SVOPL: variants seen among roughly 807,000 people sequenced by gnomAD.
SVOPL encodes SVOP like.
Under a neutral mutation model 61.0 loss-of-function variants are expected in SVOPL, and 60 were observed. That is an observed-to-expected ratio of 0.98 (90% CI 0.80 to 1.22). The LOEUF (loss-of-function observed/expected upper bound fraction) is 1.22. Among genes scored for constraint, SVOPL ranks in the 50% most tolerant of loss-of-function variants. SVOPL has a pLI of 0.00. For synonymous variants in SVOPL, 279 were observed against 250.0 expected, an observed-to-expected ratio of 1.12 and a Z score of -1.09; for missense variants, 662 against 643.9, an observed-to-expected ratio of 1.03 and a Z score of -0.30.
chr7:138,676,899 C>CTTTTTTTTTTTTTTTT (rs1191279496), intron 3 of SVOPL, among the ~76,000 whole-genome samples: 1 of 112,820 alleles, frequency 8.9e-6, no homozygotes, highest in Non-Finnish European at 1.7e-5. Context: ...CTTGGGGTTC[C>CTTTTTTTTTTTTTTTT]TTTTTTTTTT....
intron 12 of SVOPL, among the ~76,000 whole-genome samples, 182 bp downstream of exon 12, chr7:138,627,168 C>G (rs1453944237): frequency 6.6e-6 from 1 of 152,092 alleles, no homozygotes; most frequent in Admixed American, 6.6e-5. Context: ...AAGATGGGGT[C>G]TGTAGGAAGA....
intron 1 of SVOPL, among the ~76,000 whole-genome samples, chr7:138,688,268 T>C (rs1366134190): frequency 6.8e-6 from 1 of 148,110 alleles, no homozygotes; most frequent in Non-Finnish European, 1.5e-5. Context: ...TGCCGAAAAA[T>C]TTTGGGGTTT....
At chr7:138,607,647 G>A (rs946117405) in intron 14 of SVOPL, among the ~76,000 whole-genome samples, 2 of 152,174 alleles carry the variant, frequency 1.3e-5, no homozygotes, top group Non-Finnish European at 2.9e-5. Context: ...CCAGCTTGGA[G>A]GAGGTGAAGG....
intron 5 of SVOPL, chr7:138,662,871 C>T: frequency 3.5e-6 from 5 of 1,424,618 alleles, no homozygotes; most frequent in Non-Finnish European, 4.6e-6. Context: ...ACCTGGACTG[C>T]AGAGGAACAG....
intron 7 of SVOPL, among the ~76,000 whole-genome samples, chr7:138,653,261 T>C (rs1451747768): frequency 1.3e-5 from 2 of 152,262 alleles, no homozygotes; most frequent in Non-Finnish European, 1.5e-5. Context: ...ATCCAGGAGA[T>C]CTAGCTAAGA....
intron 13 of SVOPL, 90 bp from the exon 14 acceptor site, chr7:138,621,225 G>T: frequency 9.9e-7 from 1 of 1,009,926 alleles, no homozygotes; most frequent in Non-Finnish European, 1.5e-6. Flanking sequence ...GTCAGGTTTT[G>T]GAATGCATAG....
chr7:138,678,608 CATT>C, intron 2 of SVOPL, 83 bp from the exon 3 acceptor site: 1 of 1,372,694 alleles, frequency 7.3e-7, no homozygotes, highest in Non-Finnish European at 1.0e-6. Context: ...AAAGCCAACC[CATT>C]ATTATAAAAA....
chr7:138,663,703 T>G (rs1390655100), intron 4 of SVOPL: 3 of 676,932 alleles, frequency 4.4e-6, no homozygotes, highest in African/African-American at 3.9e-5. Flanking sequence ...CACTAGGGTT[T>G]TATTTATTAT....
intron 9 of SVOPL, among the ~76,000 whole-genome samples, chr7:138,633,410 G>C (rs1326381228): frequency 6.6e-6 from 1 of 152,094 alleles, no homozygotes; most frequent in Admixed American, 6.5e-5. Flanking sequence ...ACCAGTTCAT[G>C]TGACAGCTGG....
chr7:138,622,176 GTCTA>G (rs1799667717), intron 13 of SVOPL, among the ~76,000 whole-genome samples: 2 of 54,148 alleles, frequency 3.7e-5, no homozygotes, highest in African/African-American at 1.2e-4. Context: ...GTATCTATCT[GTCTA>G]TGTATCTATC....
intron 3 of SVOPL, among the ~76,000 whole-genome samples, chr7:138,676,845 C>A (rs1802573494): frequency 6.6e-6 from 1 of 151,510 alleles, no homozygotes; most frequent in South Asian, 2.1e-4. Context: ...TATAACCGAA[C>A]ACCTGCCAAA....
rs189386327 is a variant in SVOPL at position 138,680,648 on chromosome 7, G to T, written c.-34-1569C>A. ...GGCTGGAGTGCAGTGGCCCGATCTC[G>T]GCTCACTGCAAGCTCTGCCTCCCGG... On this transcript the variant is annotated intron_variant, in intron 1 of 15. Transcript: ENST00000674285. Among the ~76,000 whole-genome samples the T allele has an allele frequency of 5.2e-3, 786 of 151,740 alleles. 6 individuals carry two copies. The highest frequency in any genetic ancestry group is 0.018 in the African/African-American group (759 of 41,256).
chr7:138,597,067 C>T, intron 14 of SVOPL: 1 of 1,160,292 alleles, frequency 8.6e-7, no homozygotes, highest in South Asian at 1.9e-5. Context: ...GTCAATTTTT[C>T]CACAGTAACT....
At chr7:138,622,246 CTATCTATGTATCTATCTATCTATG>C (rs1563096738) in intron 13 of SVOPL, among the ~76,000 whole-genome samples, 12 of 107,358 alleles carry the variant, frequency 1.1e-4, no homozygotes, top group African/African-American at 4.1e-4. Flanking sequence ...ATCTATCTAT[CTATCTATGTATCTATCTATCTATG>C]TATCTATCTA....
chr7:138,656,618 G>A (rs1489337650), intron 6 of SVOPL, 107 bp from the exon 7 acceptor site: 3 of 1,187,552 alleles, frequency 2.5e-6, no homozygotes, highest in African/African-American at 1.5e-5. Flanking sequence ...CAAAAGCATA[G>A]AAGTTGATTA....
At chr7:138,646,887 G>T (rs1299659688) in intron 8 of SVOPL, among the ~76,000 whole-genome samples, 1 of 152,172 alleles carries the variant, frequency 6.6e-6, no homozygotes, top group African/African-American at 2.4e-5. Flanking sequence ...GGCTTACTAA[G>T]CTCACTGGTC....
chr7:138,666,682 G>T (rs1802271964), intron 4 of SVOPL, among the ~76,000 whole-genome samples: 1 of 152,200 alleles, frequency 6.6e-6, no homozygotes, highest in Admixed American at 6.5e-5. Flanking sequence ...TACAGAGAGT[G>T]CACAAACTGT....
chr7:138,671,095 G>A (rs2117107710), intron 4 of SVOPL, among the ~76,000 whole-genome samples: 1 of 152,150 alleles, frequency 6.6e-6, no homozygotes, highest in Non-Finnish European at 1.5e-5. Context: ...TTTTTTGCAT[G>A]GAGGGTTTAT....
At chr7:138,603,649 G>A (rs926670387) in intron 14 of SVOPL, among the ~76,000 whole-genome samples, 3 of 152,184 alleles carry the variant, frequency 2.0e-5, no homozygotes, top group Admixed American at 6.5e-5. Flanking sequence ...TTCAGCCTGG[G>A]CGACAGAGTG....
Sources: allele counts gnomAD v4.1 joint callset (sites outside exome capture counted in the v4.1 genomes callset), GRCh38; gene constraint gnomAD v4.1.1; transcripts MANE v1.5; gene names NCBI Gene and HGNC (gene_info 2026-07-23, HGNC 2026-07-21).